The following TENM4 variants were observed in gnomAD, a reference collection of about 807,000 sequenced individuals.
The protein encoded by TENM4 is teneurin-4.
In TENM4, 82 loss-of-function variants were observed where a neutral mutation model predicts 243.3. That is an observed-to-expected ratio of 0.34 (90% CI 0.28 to 0.40). TENM4 has a LOEUF of 0.40. Ranked by LOEUF, TENM4 falls within the 10% of genes least tolerant of loss-of-function variation. TENM4 has a pLI of 1.00. For synonymous variants in TENM4, 1,412 were observed against 1,456.3 expected (o/e 0.97, Z 0.69); for missense variants, 3,138 against 3,673.3 (o/e 0.85, Z 3.77).
intron 3 of TENM4, among the ~76,000 whole-genome samples, chr11:79,200,854 A>G (rs567467232): frequency 7.2e-5 from 11 of 152,350 alleles, no homozygotes; most frequent in South Asian, 6.2e-4. Context: ...TAGCTGGGGC[A>G]TTACAAGTGA....
intron 6 of TENM4, 127 bp from the exon 7 acceptor site, chr11:78,903,650 C>T: frequency 7.1e-7 from 1 of 1,405,592 alleles, no homozygotes; most frequent in Non-Finnish European, 9.7e-7. Context: ...TTGATGCAGT[C>T]AATCAGTAAT....
chr11:79,119,921 A>G (rs1861706903), intron 4 of TENM4, among the ~76,000 whole-genome samples: 1 of 152,216 alleles, frequency 6.6e-6, no homozygotes, highest in Non-Finnish European at 1.5e-5. Context: ...TCTATATCCC[A>G]GAATAGACAT....
At chr11:78,932,702 G>T (rs1217940599) in intron 6 of TENM4, among the ~76,000 whole-genome samples, 3 of 152,182 alleles carry the variant, frequency 2.0e-5, no homozygotes, top group African/African-American at 7.2e-5. Flanking sequence ...ATGGACCAGT[G>T]GCAGGTGGGG....
At chr11:79,192,247 C>G (rs1863527382) in intron 3 of TENM4, among the ~76,000 whole-genome samples, 1 of 152,182 alleles carries the variant, frequency 6.6e-6, no homozygotes, top group Non-Finnish European at 1.5e-5. Flanking sequence ...TGCCCGGCCA[C>G]CACCCCGTCT....
In TENM4 at chr11:78,658,365, A is replaced by C; in HGVS notation, c.8003T>G (p.Leu2668Arg). The C allele has an allele frequency of 6.2e-7, 1 of 1,613,958 alleles. No homozygotes were observed. The highest frequency in any genetic ancestry group is 8.5e-7 in the Non-Finnish European group (1 of 1,179,872). The stretch of plus-strand genomic sequence containing the variant: ...GTTCAAGCACAGTGCCCCGTACTGG[A>C]GCTGGATGTCTGTGTAGCGTCTAGT... ...GRTRRYTDIQ[L>R]QYGALCLNTR... Residue 2668 changes from leucine (L) to arginine (R), a missense_variant, in exon 34 of 34, where the codon CTC becomes CGC. Physicochemically the swap from Leu to Arg is moderately radical, Grantham distance 102 (BLOSUM62 -2). Transcript: ENST00000278550.
At chr11:79,408,781 T>C (rs1858625975) in intron 1 of TENM4, among the ~76,000 whole-genome samples, 1 of 152,014 alleles carries the variant, frequency 6.6e-6, no homozygotes, top group South Asian at 2.1e-4. Flanking sequence ...GCATATGCAG[T>C]GGAAACCCAT....
chr11:78,985,804 T>C (rs542911795), intron 6 of TENM4, among the ~76,000 whole-genome samples: 1 of 152,316 alleles, frequency 6.6e-6, no homozygotes, highest in East Asian at 1.9e-4. Flanking sequence ...TTACGGCTGC[T>C]GGGTTCAATG....
intron 9 of TENM4, among the ~76,000 whole-genome samples, chr11:78,865,963 C>G (rs563290391): frequency 1.3e-5 from 2 of 152,206 alleles, no homozygotes; most frequent in African/African-American, 2.4e-5. Context: ...GATAACTATA[C>G]GTGATAACCA....
intron 1 of TENM4, among the ~76,000 whole-genome samples, chr11:79,339,542 A>G (rs1857207896): frequency 6.6e-6 from 1 of 151,962 alleles, no homozygotes; most frequent in Non-Finnish European, 1.5e-5. Flanking sequence ...TCTCCCTACT[A>G]TTACTATGGA....
Position 79,139,782 on chromosome 11 carries a change from A to AT in TENM4, c.-66+8927dup, listed in dbSNP as rs1382952217. 3.7e-4 allele frequency among the ~76,000 whole-genome samples: 24 copies of AT among 64,554 alleles called. 1 individual carries two copies. The highest frequency in any genetic ancestry group is 1.0e-3 in the African/African-American group (24 of 23,546). 42.3% of individuals were successfully genotyped at this position (64,554 alleles called of 152,430 possible). On this transcript the variant is annotated intron_variant, in intron 4 of 33. Coordinates refer to ENST00000278550, the MANE Select transcript of TENM4 (RefSeq NM_001098816.3). Reference sequence around the variant, plus strand: ...TTATATTTATATAAATATATAATATATATTATATTTATATAAATATATAAT... The same window carrying AT: ...TTATATTTATATAAATATATAATATATTATTATATTTATATAAATATATAAT...
chr11:78,814,727 G>A (rs181811311), intron 12 of TENM4, among the ~76,000 whole-genome samples: 112 of 152,334 alleles, frequency 7.4e-4, no homozygotes, highest in Middle Eastern at 3.4e-3. Flanking sequence ...TTTGGGTGGT[G>A]TGTTACTGGG....
At chr11:79,088,763 GT>G (rs1443616919) in intron 4 of TENM4, among the ~76,000 whole-genome samples, 1 of 152,146 alleles carries the variant, frequency 6.6e-6, no homozygotes, top group Non-Finnish European at 1.5e-5. Flanking sequence ...AGCATTATTT[GT>G]TTATTCAGTC....
intron 15 of TENM4, among the ~76,000 whole-genome samples, chr11:78,799,178 G>T (rs1004543734): frequency 3.9e-5 from 6 of 152,174 alleles, no homozygotes; most frequent in African/African-American, 1.2e-4. Flanking sequence ...TAACTCCCTT[G>T]TGCTGTGGGC....
chr11:78,900,064 C>T (rs1249545823), intron 7 of TENM4, among the ~76,000 whole-genome samples: 2 of 152,168 alleles, frequency 1.3e-5, no homozygotes, highest in Non-Finnish European at 2.9e-5. Flanking sequence ...AGTCCAGTTG[C>T]CAGCTGAATA....
intron 12 of TENM4, among the ~76,000 whole-genome samples, chr11:78,828,650 A>G (rs1345026039): frequency 6.6e-6 from 1 of 152,234 alleles, no homozygotes; most frequent in African/African-American, 2.4e-5. Flanking sequence ...ACCAAATCCT[A>G]TTAGAGATCA....
At chr11:79,138,835 CATT>C (rs1429444498) in intron 4 of TENM4, among the ~76,000 whole-genome samples, 1 of 114,108 alleles carries the variant, frequency 8.8e-6, no homozygotes, top group Non-Finnish European at 1.7e-5. Flanking sequence ...ACAAAACATA[CATT>C]ATATTTATAT....
At chr11:79,133,997 A>C (rs1361098453) in intron 4 of TENM4, among the ~76,000 whole-genome samples, 1 of 152,200 alleles carries the variant, frequency 6.6e-6, no homozygotes, top group Non-Finnish European at 1.5e-5. Context: ...TCCTAGCCAG[A>C]GCAATCAGTC....
At chr11:79,410,876 G>C (rs992120348) in intron 1 of TENM4, among the ~76,000 whole-genome samples, 1 of 152,136 alleles carries the variant, frequency 6.6e-6, no homozygotes, top group Non-Finnish European at 1.5e-5. Flanking sequence ...ACTCTACAGG[G>C]AGGGTTCTTT....
intron 3 of TENM4, among the ~76,000 whole-genome samples, chr11:79,207,694 GTC>G (rs1863876608): frequency 6.6e-6 from 1 of 151,672 alleles, no homozygotes; most frequent in Admixed American, 6.6e-5. Context: ...GTGAAACCCC[GTC>G]TCTACAGAAA....
Sources: gnomAD v4.1 joint callset for allele counts (sites outside exome capture counted in the v4.1 genomes callset) on GRCh38, gnomAD v4.1.1 for gene constraint, MANE v1.5 for transcripts, NCBI Gene and HGNC (gene_info 2026-07-23, HGNC 2026-07-21) for gene names.